The following NUP85 variants were observed in gnomAD, a reference collection of about 807,000 sequenced individuals.
The protein encoded by NUP85 is nuclear pore complex protein Nup85.
In NUP85, 23 loss-of-function variants were observed where a neutral mutation model predicts 92.8. The ratio of observed to expected loss-of-function variants is 0.25; its 90% CI spans 0.18 to 0.35. The LOEUF is 0.35. NUP85 is among the 10% of genes least tolerant of loss of function. The probability of loss-of-function intolerance (pLI) is 1.00; values close to 1 mark genes in which losing one functional copy is unlikely to be tolerated. For synonymous variants in NUP85, 314 were observed against 306.9 expected, an observed-to-expected ratio of 1.02 and a Z score of -0.24; for missense variants, 759 against 822.8, an observed-to-expected ratio of 0.92 and a Z score of 0.95.
chr17:75,220,619 T>C (rs576250938), intron 7 of NUP85, among the ~76,000 whole-genome samples: 38 of 151,602 alleles, frequency 2.5e-4, no homozygotes, highest in Non-Finnish European at 4.9e-4. Context: ...ATGGCGTCTT[T>C]CTCTGTTGCC....
Position 75,210,900 on chromosome 17 carries a change from A to G in NUP85, c.290+915A>G, listed in dbSNP as rs557290003. Among the ~76,000 whole-genome samples the G allele has an allele frequency of 2.0e-5, 3 of 149,278 alleles. No individual in the cohort carries two copies. In the South Asian group the frequency reaches 6.4e-4, roughly 32 times the overall value. ...GTATTTTTAGTAGAGACGGGGTTTC[A>G]CCGTGTTAGCCAGGATGGTCTCGAT... On this transcript the variant is annotated intron_variant, in intron 3 of 18. Transcript: ENST00000245544.
chr17:75,222,815 C>T (rs1443298704), intron 7 of NUP85, among the ~76,000 whole-genome samples: 8 of 151,848 alleles, frequency 5.3e-5, no homozygotes, highest in Non-Finnish European at 7.4e-5. Context: ...GCGGGCGGAT[C>T]ATGAAGTCAG....
Position 75,231,544 on chromosome 17 carries a change from T to C in NUP85, c.1179-29T>C, listed in dbSNP as rs764663392. ...GGCCCTGAACAGGGCAGGCCAGGAG[T>C]CTTGGTCTTTTGTTATGTTTTATTC... On this transcript the variant is annotated intron_variant, in intron 12 of 18. Transcript: ENST00000245544. This position sits in a 1 kb window ranked among gnomAD's most constrained non-coding sequence, Gnocchi z 4.6. The C allele has an allele frequency of 5.6e-6, 9 of 1,613,082 alleles. No individual in the cohort carries two copies. The South Asian group carries it at 9.9e-5, about 18-fold the overall frequency.
chr17:75,211,009 T>TG (rs1337599981), intron 3 of NUP85, among the ~76,000 whole-genome samples: 1 of 134,030 alleles, frequency 7.5e-6, no homozygotes, highest in Non-Finnish European at 1.6e-5. Flanking sequence ...CCCTGTTTTT[T>TG]TTTTTTTTTT....
chr17:75,231,473 G>A lies in NUP85; in HGVS notation c.1178+50G>A, dbSNP rs116387801. 6.7e-4 allele frequency: 1,085 copies of A among 1,608,798 alleles called. 6 individuals carry two copies. The African/African-American group carries it at 0.012, about 18-fold the overall frequency. On this transcript the variant is annotated intron_variant, in intron 12 of 18. Coordinates refer to ENST00000245544, the MANE Select transcript of NUP85 (RefSeq NM_024844.5). The surrounding 1 kb of genome is among the most constrained non-coding windows in gnomAD (Gnocchi z 4.6). ...CTCCTCTTCTTACCACCAGGCCCCC[G>A]AGGGTGGTGTGAACTGAATGCCTGA...
intron 4 of NUP85, among the ~76,000 whole-genome samples, 185 bp downstream of exon 4, chr17:75,212,247 G>GT (rs1219393857): frequency 2.7e-4 from 1 of 3,672 alleles, no homozygotes; most frequent in African/African-American, 3.4e-4. Flanking sequence ...TTTTGTTGTT[G>GT]TTTTTTTTTT....
intron 17 of NUP85, 35 bp downstream of exon 17, chr17:75,234,823 G>C (rs1412592097): frequency 1.4e-5 from 22 of 1,611,808 alleles, no homozygotes; most frequent in Non-Finnish European, 1.8e-5. Context: ...TTCTTTGCTT[G>C]TCAGTCCCTG....
In NUP85 at chr17:75,235,601, G is replaced by C; in HGVS notation, c.1893G>C (p.Lys631Asn). 6.2e-7 allele frequency: 1 copy of C among 1,614,064 alleles called. No homozygotes were observed. The highest frequency in any genetic ancestry group is 1.3e-5 in the African/African-American group (1 of 75,036). ...AGGATGATGACATAGAGACCACCAA[G>C]GTGGAAATGCTGAGACTTTCTCTGG... ...QLQDDDIETT[K>N]VEMLRLSLAR... is the part of the protein sequence containing the mutation. Residue 631 changes from lysine (K) to asparagine (N), a missense_variant, in exon 19 of 19, where the codon AAG (lysine) becomes AAC (asparagine). Physicochemically the swap from Lys to Asn is moderately conservative, Grantham distance 94. Coordinates refer to ENST00000245544, the MANE Select transcript of NUP85 (RefSeq NM_024844.5).
chr17:75,210,794 T>C (rs1387956675), intron 3 of NUP85, among the ~76,000 whole-genome samples: 1 of 152,012 alleles, frequency 6.6e-6, no homozygotes, highest in African/African-American at 2.4e-5. Context: ...CTCTGCCTCC[T>C]GGATTCACGC....
At chr17:75,211,887 T>C in intron 3 of NUP85, 105 bp from the exon 4 acceptor site, 1 of 875,338 alleles carries the variant, frequency 1.1e-6, no homozygotes, top group South Asian at 1.5e-5. Context: ...ACAACGGCTC[T>C]CCTCTTTCTT....
intron 3 of NUP85, 77 bp downstream of exon 3, chr17:75,210,062 G>A: frequency 6.9e-7 from 1 of 1,457,642 alleles, no homozygotes; most frequent in South Asian, 1.3e-5. Flanking sequence ...TTGTCTTTTT[G>A]TGTGTTTTAT....
At chr17:75,214,582 G>A (rs2075370878) in intron 5 of NUP85, among the ~76,000 whole-genome samples, 1 of 152,184 alleles carries the variant, frequency 6.6e-6, no homozygotes, top group South Asian at 2.1e-4. Context: ...AGATAGGCTG[G>A]GCGCAGTGGC....
intron 11 of NUP85, among the ~76,000 whole-genome samples, chr17:75,229,882 C>G (rs1398960457): frequency 6.6e-6 from 1 of 152,048 alleles, no homozygotes; most frequent in African/African-American, 2.4e-5. Flanking sequence ...ACTGGCTTCT[C>G]CAATGGTTTC....
At position 75,232,942 on chromosome 17, in the gene NUP85, C is replaced by T. The variant is rs200313531; in HGVS notation, c.1488C>T (p.Ala496=). ...CTTGGAGCATCCGTGCTAAGGATGC[C>T]GCCTTTGCCACGCTCGTGTCAGACA... ...ALSWSIRAKD[A]AFATLVSDRF... Residue 496 remains alanine (A), a synonymous_variant, in exon 15 of 19, where the codon GCC becomes GCT. Transcript: ENST00000245544. The T allele has an allele frequency of 9.7e-5, 157 of 1,614,160 alleles. No homozygotes were observed. The African/African-American group carries it at 1.7e-3, about 17-fold the overall frequency.
intron 11 of NUP85, 66 bp downstream of exon 11, chr17:75,226,223 C>T: frequency 7.5e-7 from 1 of 1,325,248 alleles, no homozygotes; most frequent in Non-Finnish European, 1.1e-6. Context: ...CCTTGCGTTT[C>T]TAGAGTGGCC....
intron 11 of NUP85, 150 bp downstream of exon 11, chr17:75,226,307 A>G: frequency 3.2e-6 from 2 of 626,638 alleles, no homozygotes; most frequent in Non-Finnish European, 2.8e-6. Flanking sequence ...AGAATACCTG[A>G]GACCAGATAA....
rs533381930 is a variant in NUP85 at position 75,234,681 on chromosome 17, G to A, written c.1660G>A (p.Ala554Thr). The A allele has an allele frequency of 9.3e-6, 15 of 1,614,206 alleles. No individual in the cohort carries two copies. In the South Asian group the frequency reaches 1.6e-4, roughly 18 times the overall value. The change falls in exon 17 of 19, where the codon GCC (alanine) becomes ACC (threonine). Residue 554 changes from alanine (A) to threonine (T), a missense_variant. Transcript: ENST00000245544. ...CCGTATGTACGGGGAGAAGCGTTTT[G>A]CCGACGCAGCTTCTCTCCTTCTGTC... is the stretch of plus-strand genomic sequence containing the variant. ...FHRMYGEKRF[A>T]DAASLLLSLM...
At position 75,231,988 on chromosome 17, in the gene NUP85, G is replaced by GC; in HGVS notation, c.1396+12dup. 1 of 1,613,894 alleles carries GC rather than the reference G, an allele frequency of 6.2e-7. No individual in the cohort carries two copies. Among genetic ancestry groups the GC allele is most frequent in the Non-Finnish European group, 8.5e-7 (1 of 1,179,994 alleles). ...GCAGATGACTGAACAAGGTGAGCTG[G>GC]CCCTGCTCCCAGCCTACTGTCTGTG... On this transcript the variant is annotated intron_variant, in intron 14 of 18. Transcript: ENST00000245544. The surrounding 1 kb of genome is among the most constrained non-coding windows in gnomAD (Gnocchi z 4.6).
chr17:75,235,729 TA>T lies in NUP85; in HGVS notation c.*54del, dbSNP rs1283388818. On this transcript the variant is annotated 3_prime_UTR_variant, in exon 19 of 19. Coordinates refer to ENST00000245544, the MANE Select transcript of NUP85 (RefSeq NM_024844.5). ...GTATGGCAATGTATATAGATTTTTTTAAAAGAATAAATGTTGTTTTGCAAAT... is the reference window on the plus strand; with the variant it reads ...GTATGGCAATGTATATAGATTTTTTTAAAGAATAAATGTTGTTTTGCAAAT... 1.6e-5 allele frequency: 15 copies of T among 937,966 alleles called. No individual in the cohort carries two copies. Among genetic ancestry groups the T allele is most frequent in the Non-Finnish European group, 2.4e-5 (15 of 631,440 alleles). 58.1% of individuals were successfully genotyped at this position (937,966 alleles called of 1,614,324 possible). A position where few individuals can be genotyped will look rare whatever the true frequency, so the allele number is the denominator to read the frequency against.
Sources: allele counts gnomAD v4.1 joint callset (sites outside exome capture counted in the v4.1 genomes callset), GRCh38; gene constraint gnomAD v4.1.1; non-coding constraint Gnocchi (gnomAD v3.1); transcripts MANE v1.5; gene names NCBI Gene and HGNC (gene_info 2026-07-23, HGNC 2026-07-21).